The following FRMPD4 variants were observed in gnomAD, a reference collection of about 807,000 sequenced individuals.
FRMPD4 encodes FERM and PDZ domain containing 4, also known as FERM and PDZ domain-containing protein 4.
FRMPD4 carries 22 observed loss-of-function variants against 94.1 expected under a neutral mutation model. The observed-to-expected ratio is 0.23, with a 90% confidence interval of 0.17 to 0.33. The LOEUF (loss-of-function observed/expected upper bound fraction) is 0.33, where lower values mean the gene tolerates loss of function less well. Among genes scored for constraint, FRMPD4 ranks in the 10% least tolerant of loss-of-function variants. FRMPD4 has a pLI of 1.00. For missense variants in FRMPD4, 1,111 were observed against 1,339.9 expected (o/e 0.83, Z 2.67); for synonymous variants, 631 against 548.6 (o/e 1.15, Z -2.10).
intron 3 of FRMPD4, among the ~76,000 whole-genome samples, chrX:12,081,394 A>AT (rs200797315): frequency 0.011 from 1,262 of 111,261 alleles, 15 homozygotes; most frequent in African/African-American, 0.039. Flanking sequence ...TCATCAGGTG[A>AT]TTTTCAGGTC....
At chrX:11,926,520 C>A (rs182269348) in intron 3 of FRMPD4, among the ~76,000 whole-genome samples, 2 of 111,857 alleles carry the variant, frequency 1.8e-5, no homozygotes, top group South Asian at 3.7e-4. Flanking sequence ...AAAATACTGG[C>A]AAACCAAATT....
At chrX:12,110,518 G>C (rs1311885721) in intron 3 of FRMPD4, among the ~76,000 whole-genome samples, 2 of 111,653 alleles carry the variant, frequency 1.8e-5, no homozygotes, top group Admixed American at 9.5e-5. Context: ...ACAAGACAGG[G>C]ATGCCCTCTC....
intron 3 of FRMPD4, among the ~76,000 whole-genome samples, chrX:11,961,928 A>C (rs1459604272): frequency 8.9e-6 from 1 of 112,553 alleles, no homozygotes; most frequent in East Asian, 2.8e-4. Flanking sequence ...AACTTAAAGA[A>C]TTTTTAGTTA....
At chrX:12,275,073 A>C (rs1367352947) in intron 1 of FRMPD4, among the ~76,000 whole-genome samples, 2 of 112,062 alleles carry the variant, frequency 1.8e-5, no homozygotes, top group Non-Finnish European at 3.8e-5. Context: ...TTGTTTAGCT[A>C]TTTGTCCCCA....
intron 4 of FRMPD4, among the ~76,000 whole-genome samples, chrX:12,662,489 A>T (rs1354417442): frequency 9.0e-6 from 1 of 111,520 alleles, no homozygotes; most frequent in South Asian, 3.8e-4. Flanking sequence ...GCTGAGAATG[A>T]TTGTTTCCAG....
chrX:11,852,442 C>CAAAAAA (rs374590200), intron 1 of FRMPD4, among the ~76,000 whole-genome samples: 23 of 52,323 alleles, frequency 4.4e-4, no homozygotes, highest in Non-Finnish European at 6.2e-4. Context: ...ACCCTGTCTC[C>CAAAAAA]AAAAAAAAAA....
intron 7 of FRMPD4, among the ~76,000 whole-genome samples, chrX:12,687,985 C>T (rs762907123): frequency 4.5e-5 from 5 of 111,926 alleles, no homozygotes; most frequent in African/African-American, 1.6e-4. Context: ...TGGCCCAAGG[C>T]CACCCAGTAA....
intron 3 of FRMPD4, among the ~76,000 whole-genome samples, chrX:12,129,293 G>A (rs912890151): frequency 8.9e-6 from 1 of 111,771 alleles, no homozygotes; most frequent in African/African-American, 3.3e-5. Flanking sequence ...AATCATGGCA[G>A]AAGGGGAAGC....
intron 1 of FRMPD4, among the ~76,000 whole-genome samples, chrX:12,248,763 G>A (rs2053990939): frequency 8.9e-6 from 1 of 112,191 alleles, no homozygotes; most frequent in South Asian, 3.7e-4. Flanking sequence ...ACAAGGCCTG[G>A]TGCAGTGGCT....
chrX:12,717,430 C>T (rs910298426), intron 15 of FRMPD4, 71 bp from the exon 16 acceptor site: 2 of 705,130 alleles, frequency 2.8e-6, no homozygotes, highest in African/African-American at 4.4e-5. Flanking sequence ...ATAACGAGTC[C>T]CATTTTCTTA....
chrX:12,472,443 C>A (rs2057525174), intron 1 of FRMPD4, among the ~76,000 whole-genome samples: 1 of 112,329 alleles, frequency 8.9e-6, no homozygotes, highest in African/African-American at 3.2e-5. Flanking sequence ...GTTGTGGGGT[C>A]AGCATGGAGC....
Position 11,870,076 on chromosome X carries a change from T to C in FRMPD4, c.-30+4860T>C, listed in dbSNP as rs183944268. ...CATTGAATTTTGATCTGAGGATAAG[T>C]AGTAAGTTGCAATTCAGGCATTCTG... is the stretch of plus-strand genomic sequence containing the variant. On this transcript the variant is annotated intron_variant, in intron 2 of 18. Coordinates refer to the FRMPD4 transcript ENST00000640291. Among the ~76,000 whole-genome samples the C allele has an allele frequency of 2.5e-4, 28 of 111,913 alleles. No homozygotes were observed. The East Asian group carries it at 7.9e-3, about 31-fold the overall frequency.
chrX:12,031,688 G>C (rs771794214), intron 3 of FRMPD4, among the ~76,000 whole-genome samples: 1 of 111,778 alleles, frequency 8.9e-6, no homozygotes, highest in African/African-American at 3.2e-5. Context: ...CCACAACAAG[G>C]GGCTGGTCTG....
intron 2 of FRMPD4, among the ~76,000 whole-genome samples, chrX:12,542,542 A>G (rs374405120): frequency 3.6e-5 from 4 of 112,072 alleles, no homozygotes; most frequent in Non-Finnish European, 7.5e-5. Flanking sequence ...GGATGTGAAG[A>G]ACCTCTTCAA....
At chrX:12,193,232 C>G (rs758709964) in intron 1 of FRMPD4, among the ~76,000 whole-genome samples, 1 of 111,119 alleles carries the variant, frequency 9.0e-6, no homozygotes, top group East Asian at 2.9e-4. Context: ...TGCTATATAC[C>G]AGACATGTAT....
At chrX:12,277,355 A>G (rs1005282640) in intron 1 of FRMPD4, among the ~76,000 whole-genome samples, 3 of 112,161 alleles carry the variant, frequency 2.7e-5, no homozygotes, top group South Asian at 3.7e-4. Flanking sequence ...GAGCCCTCAT[A>G]GGAAATGAAG....
At chrX:11,834,939 T>C (rs1430677041) in intron 1 of FRMPD4, among the ~76,000 whole-genome samples, 1 of 111,987 alleles carries the variant, frequency 8.9e-6, no homozygotes, top group East Asian at 2.8e-4. Context: ...CAGCAATTTA[T>C]AAAATGTAAA....
intron 1 of FRMPD4, among the ~76,000 whole-genome samples, chrX:12,148,363 G>C (rs767766336): frequency 8.9e-6 from 1 of 112,351 alleles, no homozygotes; most frequent in African/African-American, 3.2e-5. Context: ...GATCAAACCA[G>C]CCACAACATT....
intron 1 of FRMPD4, among the ~76,000 whole-genome samples, chrX:12,392,293 G>A (rs368986582): frequency 1.9e-5 from 2 of 104,243 alleles, no homozygotes; most frequent in South Asian, 5.0e-4. Flanking sequence ...TGCCTGCCTC[G>A]ACCTCCCAAA....
Sources: allele counts gnomAD v4.1 joint callset (sites outside exome capture counted in the v4.1 genomes callset), GRCh38; gene constraint gnomAD v4.1.1; transcripts MANE v1.5; gene names NCBI Gene and HGNC (gene_info 2026-07-23, HGNC 2026-07-21).